The following HECW1 variants were observed in gnomAD, a reference collection of about 807,000 sequenced individuals.
HECW1 encodes HECT, C2 and WW domain containing E3 ubiquitin protein ligase 1.
Under a neutral mutation model 182.3 loss-of-function variants are expected in HECW1, and 61 were observed. The ratio of observed to expected loss-of-function variants is 0.33; its 90% confidence interval spans 0.27 to 0.41. The LOEUF is 0.41. HECW1 is among the 10% of genes least tolerant of loss of function. HECW1 has a pLI of 1.00. For missense variants in HECW1, 1,739 were observed against 2,108.9 expected (o/e 0.82, Z 3.44); for synonymous variants, 859 against 832.6 (o/e 1.03, Z -0.55).
chr7:43,488,203 G>A (rs978950343), intron 17 of HECW1, among the ~76,000 whole-genome samples: 4 of 151,480 alleles, frequency 2.6e-5, no homozygotes, highest in Admixed American at 6.6e-5. Flanking sequence ...CCAACTACTC[G>A]GGAGGCTAAG....
chr7:43,219,889 A>G (rs143111405), intron 2 of HECW1, among the ~76,000 whole-genome samples: 164 of 152,276 alleles, frequency 1.1e-3, no homozygotes, highest in African/African-American at 3.7e-3. Flanking sequence ...TACTACCACA[A>G]AAGGTTCTTT....
intron 2 of HECW1, among the ~76,000 whole-genome samples, chr7:43,223,319 A>G (rs1179105701): frequency 1.3e-5 from 2 of 152,182 alleles, no homozygotes; most frequent in Non-Finnish European, 2.9e-5. Flanking sequence ...TCCACAGCCC[A>G]TTAAAACATT....
chr7:43,369,445 T>C (rs1817050665), intron 6 of HECW1, among the ~76,000 whole-genome samples: 1 of 151,860 alleles, frequency 6.6e-6, no homozygotes, highest in African/African-American at 2.4e-5. Context: ...GCTACAAGAG[T>C]GAGCGAAACT....
chr7:43,360,359 C>T (rs1001495398), intron 5 of HECW1, among the ~76,000 whole-genome samples: 2 of 152,016 alleles, frequency 1.3e-5, no homozygotes, highest in African/African-American at 4.8e-5. Flanking sequence ...ACTACAGATG[C>T]GTGCTACCAC....
intron 8 of HECW1, among the ~76,000 whole-genome samples, chr7:43,411,235 G>A (rs2075794273): frequency 6.6e-6 from 1 of 151,262 alleles, no homozygotes; most frequent in Non-Finnish European, 1.5e-5. Flanking sequence ...TTCCTTCTTT[G>A]ACCCATGGAT....
In HECW1 at chr7:43,562,917, A is replaced by C. The variant is rs1373948999; in HGVS notation, c.*991A>C. 1 of 215,436 alleles carries C rather than the reference A, an allele frequency of 4.6e-6. No homozygotes were observed. Among genetic ancestry groups the C allele is most frequent in the Non-Finnish European group, 9.3e-6 (1 of 106,988 alleles). The allele number at this position is 215,436 out of a possible 1,614,324, so 13.3% of individuals were successfully genotyped here. A position where few individuals can be genotyped will look rare whatever the true frequency, so the allele number is the denominator to read the frequency against. On this transcript the variant is annotated 3_prime_UTR_variant, in exon 30 of 30. Transcript: ENST00000395891. ...CTTCACAAAGGAAAAAAAAATGTGTAGATGATACCATGACTTTTGTTAAAG... is the reference window on the plus strand; with the variant it reads ...CTTCACAAAGGAAAAAAAAATGTGTCGATGATACCATGACTTTTGTTAAAG...
At chr7:43,141,194 T>A (rs991332341) in intron 2 of HECW1, among the ~76,000 whole-genome samples, 3 of 152,132 alleles carry the variant, frequency 2.0e-5, no homozygotes, top group Admixed American at 1.3e-4. Context: ...GAAAGCTGGC[T>A]CCCTCTGGCT....
At chr7:43,504,762 C>G (rs1200239272) in intron 21 of HECW1, among the ~76,000 whole-genome samples, 1 of 152,238 alleles carries the variant, frequency 6.6e-6, no homozygotes, top group Non-Finnish European at 1.5e-5. Flanking sequence ...CACCCTTCCT[C>G]TCTCCTAGCA....
chr7:43,513,908 ACC>A (rs1563076968), intron 24 of HECW1, among the ~76,000 whole-genome samples: 2 of 152,182 alleles, frequency 1.3e-5, no homozygotes, highest in Non-Finnish European at 2.9e-5. Flanking sequence ...ATAAGGGACC[ACC>A]CATGGACACT....
At position 43,531,311 on chromosome 7, in the gene HECW1, C is replaced by T. The variant is rs557559969; in HGVS notation, c.4020-9852C>T. ...TGCTTCCTCCCCGGAGTTTTCACAG[C>T]ACCCTGTGCACTTCTCTTCACCACT... On this transcript the variant is annotated intron_variant, in intron 24 of 29. Coordinates refer to ENST00000395891, the MANE Select transcript of HECW1 (RefSeq NM_015052.5). Among the ~76,000 whole-genome samples, 10 of 152,278 alleles carry T rather than the reference C, an allele frequency of 6.6e-5. No homozygotes were observed. The East Asian group carries it at 1.9e-3, about 29-fold the overall frequency.
chr7:43,138,538 G>A (rs146978909), intron 2 of HECW1, among the ~76,000 whole-genome samples: 10 of 152,042 alleles, frequency 6.6e-5, no homozygotes, highest in Non-Finnish European at 1.2e-4. Flanking sequence ...TTATAAAAAC[G>A]CCTTGCTTTT....
At chr7:43,144,166 A>G (rs753829001) in intron 2 of HECW1, among the ~76,000 whole-genome samples, 31 of 152,192 alleles carry the variant, frequency 2.0e-4, no homozygotes, top group Non-Finnish European at 4.1e-4. Flanking sequence ...TTCATCAGGT[A>G]TTTTATAGAA....
chr7:43,143,056 G>T (rs921721359), intron 2 of HECW1, among the ~76,000 whole-genome samples: 3 of 152,184 alleles, frequency 2.0e-5, no homozygotes, highest in Non-Finnish European at 2.9e-5. Flanking sequence ...AGGCCAGAGT[G>T]CAGTGGCATG....
At chr7:43,486,633 C>T (rs1454750246) in intron 17 of HECW1, among the ~76,000 whole-genome samples, 1 of 152,204 alleles carries the variant, frequency 6.6e-6, no homozygotes, top group African/African-American at 2.4e-5. Context: ...TTACACCTGA[C>T]ATTGTGACAG....
intron 8 of HECW1, among the ~76,000 whole-genome samples, chr7:43,411,488 T>C (rs963568262): frequency 6.6e-6 from 1 of 152,204 alleles, no homozygotes; most frequent in African/African-American, 2.4e-5. Flanking sequence ...TAAATATCAG[T>C]TGAGTCAAGG....
At position 43,450,857 on chromosome 7, in the gene HECW1, C is replaced by G. The variant is rs1251416559; in HGVS notation, c.2428C>G (p.Pro810Ala). The change falls in exon 12 of 30, where the codon CCA becomes GCA. Residue 810 changes from proline (P) to alanine (A), a missense_variant. Physicochemically the swap from Pro to Ala is conservative, Grantham distance 27. Coordinates refer to ENST00000395891, the MANE Select transcript of HECW1 (RefSeq NM_015052.5). ...GECPILHNSQ[P>A]VSQLPSLRPE... ...ATGTCCTATACTCCATAATTCCCAGCCAGTAAGCCAGCTTCCTTCCCTGAG... is the reference window on the plus strand; with the variant it reads ...ATGTCCTATACTCCATAATTCCCAGGCAGTAAGCCAGCTTCCTTCCCTGAG... 6.2e-7 allele frequency: 1 copy of G among 1,612,222 alleles called. No homozygotes were observed. The highest frequency in any genetic ancestry group is 8.5e-7 in the Non-Finnish European group (1 of 1,178,416).
At chr7:43,373,123 G>A (rs1014866361) in intron 6 of HECW1, among the ~76,000 whole-genome samples, 1 of 151,930 alleles carries the variant, frequency 6.6e-6, no homozygotes, top group Non-Finnish European at 1.5e-5. Flanking sequence ...GCAGACTAAC[G>A]GTGCTGGGAG....
intron 2 of HECW1, among the ~76,000 whole-genome samples, chr7:43,190,053 C>A (rs1430167585): frequency 2.6e-5 from 4 of 152,122 alleles, no homozygotes; most frequent in African/African-American, 9.7e-5. Context: ...CTGACATTTC[C>A]TTCACACACC....
At chr7:43,236,512 T>C (rs1798355202) in intron 2 of HECW1, among the ~76,000 whole-genome samples, 1 of 152,166 alleles carries the variant, frequency 6.6e-6, no homozygotes, top group Admixed American at 6.5e-5. Context: ...TCAATATGTA[T>C]AAGATGTACA....
Sources: allele counts gnomAD v4.1 joint callset (sites outside exome capture counted in the v4.1 genomes callset), GRCh38; gene constraint gnomAD v4.1.1; transcripts MANE v1.5; gene names NCBI Gene and HGNC (gene_info 2026-07-23, HGNC 2026-07-21).